The following RCBTB1 variants were observed in gnomAD, a reference collection of about 807,000 sequenced individuals.
The protein encoded by RCBTB1 is RCC1 and BTB domain-containing protein 1.
In RCBTB1, 46 loss-of-function variants were observed where a neutral mutation model predicts 62.4. That is an observed-to-expected ratio of 0.74 (90% CI 0.58 to 0.94). The LOEUF (loss-of-function observed/expected upper bound fraction) is 0.94. RCBTB1 is among the 40% of genes least tolerant of loss of function. RCBTB1 has a pLI of 0.00. For missense variants in RCBTB1, 565 were observed against 654.9 expected (o/e 0.86, Z 1.50); for synonymous variants, 222 against 245.8 (o/e 0.90, Z 0.91).
At chr13:49,562,776 C>CCTTTTTTTTT (rs1566249913) in intron 4 of RCBTB1, among the ~76,000 whole-genome samples, 1 of 61,344 alleles carries the variant, frequency 1.6e-5, no homozygotes, top group Admixed American at 2.7e-4. Flanking sequence ...CCATCCCCGG[C>CCTTTTTTTTT]TTTTTTTTTT....
intron 6 of RCBTB1, among the ~76,000 whole-genome samples, chr13:49,553,174 A>C (rs185086998): frequency 6.6e-6 from 1 of 152,278 alleles, no homozygotes; most frequent in African/African-American, 2.4e-5. Flanking sequence ...ACAACAACAA[A>C]AAGACTAGAA....
intron 5 of RCBTB1, among the ~76,000 whole-genome samples, chr13:49,557,644 G>A (rs544990405): frequency 6.6e-6 from 1 of 152,274 alleles, no homozygotes; most frequent in Admixed American, 6.5e-5. Context: ...TCTAGGTTGG[G>A]TGCGGTAGCT....
chr13:49,577,216 G>T (rs916904321), intron 2 of RCBTB1, among the ~76,000 whole-genome samples: 1 of 152,190 alleles, frequency 6.6e-6, no homozygotes, highest in African/African-American at 2.4e-5. Flanking sequence ...GAAGGCTGAA[G>T]GAGTAATGTA....
At chr13:49,555,291 T>TA (rs1961751700) in intron 6 of RCBTB1, among the ~76,000 whole-genome samples, 1 of 152,208 alleles carries the variant, frequency 6.6e-6, no homozygotes, top group Non-Finnish European at 1.5e-5. Context: ...AAATACAACT[T>TA]AGACATATAG....
At chr13:49,569,156 A>G (rs1339572428) in intron 2 of RCBTB1, among the ~76,000 whole-genome samples, 1 of 152,200 alleles carries the variant, frequency 6.6e-6, no homozygotes, top group African/African-American at 2.4e-5. Flanking sequence ...TCACATTTTA[A>G]GAGCCCACTG....
In RCBTB1 at chr13:49,552,200, A is replaced by G; in HGVS notation, c.689T>C (p.Leu230Ser). 6.3e-7 allele frequency: 1 copy of G among 1,587,042 alleles called. No homozygotes were observed. Among genetic ancestry groups the G allele is most frequent in the African/African-American group, 1.3e-5 (1 of 74,702 alleles). Residue 230 changes from leucine to serine, a missense_variant, in exon 7 of 13, where the codon TTG becomes TCG. Transcript: ENST00000378302. ...NQLTPVRVAA[L>S]HSVCVNQIVC... Reference sequence around the variant, plus strand: ...TACCTGGTTCACACACACGCTGTGCAAAGCTGCCACTCTCACAGGGGTCAG... The same window carrying G: ...TACCTGGTTCACACACACGCTGTGCGAAGCTGCCACTCTCACAGGGGTCAG...
intron 9 of RCBTB1, among the ~76,000 whole-genome samples, chr13:49,545,185 G>A (rs374145103): frequency 1.3e-5 from 2 of 152,034 alleles, no homozygotes; most frequent in Non-Finnish European, 2.9e-5. Context: ...CTCTCAAAAC[G>A]AGTGGTTCTC....
Position 49,582,291 on chromosome 13 carries a change from G to A in RCBTB1, c.-121-1707C>T, listed in dbSNP as rs183399806. On this transcript the variant is annotated intron_variant, in intron 1 of 12. Transcript: ENST00000378302. ...CATCTGATGTCAGGAGTTCGAGACCGGCCTGGCCAACATGGTGAAACCCCA... is the reference window on the plus strand; with the variant it reads ...CATCTGATGTCAGGAGTTCGAGACCAGCCTGGCCAACATGGTGAAACCCCA... 1.4e-3 allele frequency among the ~76,000 whole-genome samples: 211 copies of A among 152,110 alleles called. No individual in the cohort carries two copies. The Middle Eastern group carries it at 0.031, about 22-fold the overall frequency.
At chr13:49,551,194 G>T in intron 8 of RCBTB1, 132 bp downstream of exon 8, 1 of 1,037,968 alleles carries the variant, frequency 9.6e-7, no homozygotes, top group Non-Finnish European at 1.4e-6. Context: ...AGAAGGGAAG[G>T]TTATCTCTTT....
intron 4 of RCBTB1, among the ~76,000 whole-genome samples, chr13:49,565,225 C>T (rs527661360): frequency 2.6e-5 from 4 of 152,294 alleles, no homozygotes; most frequent in South Asian, 2.1e-4. Flanking sequence ...CTGTGTTGGC[C>T]GGGTTGGTCT....
At chr13:49,565,388 G>C (rs1359462892) in intron 4 of RCBTB1, among the ~76,000 whole-genome samples, 1 of 152,112 alleles carries the variant, frequency 6.6e-6, no homozygotes. Context: ...CCAGCTGCCT[G>C]CCTTGGCCTC....
Position 49,555,524 on chromosome 13 carries a change from G to C in RCBTB1, c.594C>G (p.Asp198Glu), listed in dbSNP as rs139714193. ...AGTGGAGACACCTCACCTCGCCATT[G>C]TCCAGAACAGCCATGGATGAAGTCT... ...CGQTSSMAVLDNGEVYGWGYN... is the reference protein window; with the variant it reads ...CGQTSSMAVLENGEVYGWGYN... Residue 198 changes from aspartate to glutamate, a missense_variant, in exon 6 of 13, where the codon GAC becomes GAG. Coordinates refer to ENST00000378302, the MANE Select transcript of RCBTB1 (RefSeq NM_018191.4). 2,029 of 1,613,678 alleles carry C rather than the reference G, an allele frequency of 1.3e-3. 6 individuals carry two copies. Among genetic ancestry groups the C allele is most frequent in the Middle Eastern group, 5.6e-3 (34 of 6,062 alleles).
At chr13:49,547,950 GTTA>G (rs141643071) in intron 9 of RCBTB1, among the ~76,000 whole-genome samples, 125,683 of 151,626 alleles carry the variant, frequency 0.83, 52,195 homozygotes, top group East Asian at 0.89. Context: ...ACCACTCCTG[GTTA>G]TTTTTTGTAG....
At chr13:49,564,182 C>T (rs566928969) in intron 4 of RCBTB1, among the ~76,000 whole-genome samples, 13 of 152,266 alleles carry the variant, frequency 8.5e-5, no homozygotes, top group African/African-American at 2.6e-4. Context: ...CCTGCATCCC[C>T]GGTTCTTTCA....
chr13:49,574,529 A>C (rs1963640596), intron 2 of RCBTB1, among the ~76,000 whole-genome samples: 2 of 152,222 alleles, frequency 1.3e-5, no homozygotes, highest in Admixed American at 1.3e-4. Flanking sequence ...GGCTGTTAGA[A>C]GTTTTAAGAT....
At chr13:49,582,998 G>C (rs539759161) in intron 1 of RCBTB1, among the ~76,000 whole-genome samples, 1 of 152,264 alleles carries the variant, frequency 6.6e-6, no homozygotes, top group East Asian at 1.9e-4. Context: ...GCAACATAGG[G>C]AGACCCTGTC....
chr13:49,569,068 A>G (rs1179340842), intron 2 of RCBTB1, among the ~76,000 whole-genome samples: 1 of 152,214 alleles, frequency 6.6e-6, no homozygotes, highest in Admixed American at 6.5e-5. Context: ...ATGGAGAAAA[A>G]GAGATTTTAA....
intron 6 of RCBTB1, among the ~76,000 whole-genome samples, chr13:49,554,048 T>C (rs1262988229): frequency 6.6e-6 from 1 of 152,168 alleles, no homozygotes; most frequent in Admixed American, 6.5e-5. Context: ...GCAGCCATAA[T>C]GATGGAAAGC....
intron 2 of RCBTB1, among the ~76,000 whole-genome samples, chr13:49,569,982 T>A (rs139307825): frequency 1.7e-3 from 266 of 152,010 alleles, no homozygotes; most frequent in African/African-American, 5.9e-3. Flanking sequence ...ACAAAACAGA[T>A]GGAGAAAGGA....
Sources: allele counts gnomAD v4.1 joint callset (sites outside exome capture counted in the v4.1 genomes callset), GRCh38; gene constraint gnomAD v4.1.1; transcripts MANE v1.5; gene names NCBI Gene and HGNC (gene_info 2026-07-23, HGNC 2026-07-21).